STX17: variants seen among roughly 807,000 people sequenced by gnomAD.
The protein encoded by STX17 is syntaxin-17.
Under a neutral mutation model 35.9 loss-of-function variants are expected in STX17, and 29 were observed. That is an observed-to-expected ratio of 0.81 (90% CI 0.60 to 1.10). STX17 has a LOEUF of 1.10. STX17 is among the 50% of genes least tolerant of loss of function. The pLI, the probability that STX17 is intolerant of heterozygous loss-of-function variation, is 0.00. For missense variants in STX17, 312 were observed against 352.3 expected (o/e 0.89, Z 0.92); for synonymous variants, 92 against 118.3 (o/e 0.78, Z 1.44).
intron 2 of STX17, chr9:99,915,924 T>C (rs1828759186): frequency 2.5e-6 from 1 of 404,354 alleles, no homozygotes; most frequent in Admixed American, 3.0e-5. Context: ...TACAAATTGA[T>C]TGATGGTGCA....
chr9:99,967,380 AAT>A (rs545429709), intron 6 of STX17: 20 of 251,672 alleles, frequency 7.9e-5, no homozygotes, highest in Non-Finnish European at 1.5e-4. Context: ...TTTGGAGAAT[AAT>A]ATGTTTGTAT....
At chr9:99,935,329 CAAAAAA>C (rs35032937) in intron 3 of STX17, among the ~76,000 whole-genome samples, 2 of 101,196 alleles carry the variant, frequency 2.0e-5, no homozygotes, top group Non-Finnish European at 2.0e-5. Flanking sequence ...CACTCCATCT[CAAAAAA>C]AAAAAAAAAA....
At position 99,972,797 on chromosome 9, in the gene STX17, G is replaced by C. The variant is rs894634935; in HGVS notation, c.*4124G>C. On this transcript the variant is annotated 3_prime_UTR_variant, in exon 8 of 8. Transcript: ENST00000259400. ...TTTCTCAGGGTCCCCTTTGTCCTTC[G>C]TTGCTGCCATATGAAATCTTACAAG... Among the ~76,000 whole-genome samples, 1 of 152,072 alleles carries C rather than the reference G, an allele frequency of 6.6e-6. No homozygotes were observed. The highest frequency in any genetic ancestry group is 2.1e-4 in the South Asian group (1 of 4,822).
intron 4 of STX17, among the ~76,000 whole-genome samples, chr9:99,953,195 TA>T (rs1829639616): frequency 2.0e-5 from 3 of 152,120 alleles, no homozygotes; most frequent in East Asian, 1.9e-4. Flanking sequence ...ACAGAGAGAT[TA>T]AAAAAAGCTT....
In STX17 at chr9:99,938,411, CA is replaced by C. The variant is rs2118417215; in HGVS notation, c.189+9572del. Among the ~76,000 whole-genome samples the C allele has an allele frequency of 2.0e-5, 3 of 152,230 alleles. No homozygotes were observed. The East Asian group carries it at 5.8e-4, about 29-fold the overall frequency. On this transcript the variant is annotated intron_variant, in intron 3 of 7. Coordinates refer to ENST00000259400, the MANE Select transcript of STX17 (RefSeq NM_017919.3). ...TTAGGATTAAGAAACATTTTGTGAT[CA>C]AAATTTGAAACTAAATGAGAGTTGG... is the stretch of plus-strand genomic sequence containing the variant.
intron 4 of STX17, among the ~76,000 whole-genome samples, chr9:99,958,759 G>A (rs1829765340): frequency 6.6e-6 from 1 of 152,218 alleles, no homozygotes; most frequent in African/African-American, 2.4e-5. Context: ...CTCAATGAAT[G>A]AATGATTGGT....
At chr9:99,942,661 T>C (rs1054215082) in intron 3 of STX17, among the ~76,000 whole-genome samples, 3 of 152,172 alleles carry the variant, frequency 2.0e-5, no homozygotes, top group African/African-American at 7.2e-5. Context: ...AGTGTTATTG[T>C]TTTGCCTTTC....
At chr9:99,962,229 C>T (rs1415061236) in intron 6 of STX17, among the ~76,000 whole-genome samples, 2 of 152,090 alleles carry the variant, frequency 1.3e-5, no homozygotes, top group Admixed American at 1.3e-4. Context: ...GTTTGAATTG[C>T]TTCTGGATGC....
chr9:99,920,994 T>C (rs1193669029), intron 2 of STX17, among the ~76,000 whole-genome samples: 1 of 152,206 alleles, frequency 6.6e-6, no homozygotes. Flanking sequence ...GTGGAGGTAG[T>C]AGTTGTTTTC....
chr9:99,957,948 C>T (rs527270667), intron 4 of STX17, among the ~76,000 whole-genome samples: 1 of 152,122 alleles, frequency 6.6e-6, no homozygotes, highest in Non-Finnish European at 1.5e-5. Context: ...GTGTTTCTTA[C>T]ACGGTGGCTA....
At chr9:99,965,291 A>G (rs1475343953) in intron 6 of STX17, among the ~76,000 whole-genome samples, 2 of 152,230 alleles carry the variant, frequency 1.3e-5, no homozygotes, top group Non-Finnish European at 2.9e-5. Context: ...AAAGTCATAG[A>G]AGTACAATAT....
chr9:99,924,921 G>C (rs1483723814), intron 2 of STX17, among the ~76,000 whole-genome samples: 1 of 152,088 alleles, frequency 6.6e-6, no homozygotes, highest in South Asian at 2.1e-4. Context: ...GTAGATTCCT[G>C]CTGTCAGGTT....
At chr9:99,932,134 A>G (rs1181134373) in intron 3 of STX17, among the ~76,000 whole-genome samples, 1 of 152,210 alleles carries the variant, frequency 6.6e-6, no homozygotes, top group African/African-American at 2.4e-5. Flanking sequence ...TTTATTCAGT[A>G]CAGGCTTTTT....
intron 3 of STX17, chr9:99,929,804 T>G (rs1205877688): frequency 6.6e-6 from 1 of 151,958 alleles, no homozygotes; most frequent in African/African-American, 2.4e-5. Flanking sequence ...AAGTTAATAA[T>G]TACCTCATTT....
In STX17 at chr9:99,911,226, C is replaced by T. The variant is rs370876727; in HGVS notation, c.-62-3952C>T. Among the ~76,000 whole-genome samples, 112 of 152,042 alleles carry T rather than the reference C, an allele frequency of 7.4e-4. 2 individuals carry two copies. The highest frequency in any genetic ancestry group is 2.3e-3 in the African/African-American group (97 of 41,502). ...AATTTTTTGTATTTTTTAGTAGAGACGGGGTTTCACCATGTTAGCCAGGAT... is the reference window on the plus strand; with the variant it reads ...AATTTTTTGTATTTTTTAGTAGAGATGGGGTTTCACCATGTTAGCCAGGAT... On this transcript the variant is annotated intron_variant, in intron 1 of 7. Coordinates refer to ENST00000259400, the MANE Select transcript of STX17 (RefSeq NM_017919.3).
At chr9:99,951,429 T>C (rs1346022201) in intron 4 of STX17, 144 bp downstream of exon 4, 4 of 708,962 alleles carry the variant, frequency 5.6e-6, no homozygotes, top group Non-Finnish European at 8.8e-6. Flanking sequence ...CCCTGATCAG[T>C]GTTCCTGGAA....
At chr9:99,958,594 C>T (rs1315601923) in intron 4 of STX17, among the ~76,000 whole-genome samples, 1 of 152,156 alleles carries the variant, frequency 6.6e-6, no homozygotes, top group South Asian at 2.1e-4. Context: ...TATAAATAGC[C>T]AAATCAGAAT....
At chr9:99,923,119 CT>C (rs1372267225) in intron 2 of STX17, among the ~76,000 whole-genome samples, 1 of 151,612 alleles carries the variant, frequency 6.6e-6, no homozygotes, top group Non-Finnish European at 1.5e-5. Context: ...CCTTTCCTCT[CT>C]TTTTTTTCTT....
At chr9:99,961,806 T>C (rs1829830914) in intron 6 of STX17, among the ~76,000 whole-genome samples, 1 of 152,162 alleles carries the variant, frequency 6.6e-6, no homozygotes, top group Non-Finnish European at 1.5e-5. Flanking sequence ...ATCCCTCTAC[T>C]CTTGCCCCAA....
Sources: allele counts gnomAD v4.1 joint callset (sites outside exome capture counted in the v4.1 genomes callset), GRCh38; gene constraint gnomAD v4.1.1; transcripts MANE v1.5; gene names NCBI Gene and HGNC (gene_info 2026-07-23, HGNC 2026-07-21).